Variants in IFT140 observed in about 807,000 individuals in gnomAD.
IFT140 encodes intraflagellar transport protein 140 homolog.
Under a neutral mutation model 164.6 loss-of-function variants are expected in IFT140, and 133 were observed. The ratio of observed to expected loss-of-function variants is 0.81; its 90% CI spans 0.70 to 0.93. The LOEUF is 0.93. IFT140 is among the 40% of genes least tolerant of loss of function. IFT140 has a pLI of 0.00. For missense variants in IFT140, 2,045 were observed against 1,972.3 expected (o/e 1.04, Z -0.70); for synonymous variants, 860 against 817.3 (o/e 1.05, Z -0.89).
rs760278869 is a variant in IFT140, at chr16:1,523,580, C to T, written c.3391G>A (p.Asp1131Asn). ...TACTGACTGTGCTCGATGAAGAAGT[C>T]GGAGCAGCGGGCCAGGAGCGCAGGG... is the stretch of plus-strand genomic sequence containing the variant. Reference protein sequence around the residue: ...SDPALLARCSDFFIEHSQYER... With the variant: ...SDPALLARCSNFFIEHSQYER... Residue 1131 changes from aspartate to asparagine, a missense_variant, in exon 26 of 31, where the codon GAC becomes AAC. Transcript: ENST00000426508. The T allele has an allele frequency of 1.6e-5, 26 of 1,613,628 alleles. No homozygotes were observed. The highest frequency in any genetic ancestry group is 1.3e-4 in the South Asian group (12 of 91,088).
intron 19 of IFT140, among the ~76,000 whole-genome samples, chr16:1,544,226 C>T (rs575851865): frequency 1.3e-5 from 2 of 151,738 alleles, no homozygotes; most frequent in African/African-American, 4.8e-5. Flanking sequence ...CTCTGTCACC[C>T]AGGCTGGAGT....
chr16:1,543,960 T>C (rs371893336), intron 19 of IFT140, among the ~76,000 whole-genome samples: 3 of 152,230 alleles, frequency 2.0e-5, no homozygotes, highest in South Asian at 4.1e-4. Context: ...GCAAAAGCAA[T>C]AGTTTTTGAT....
intron 30 of IFT140, chr16:1,513,331 A>AG (rs1350376813): frequency 6.6e-6 from 1 of 152,002 alleles, no homozygotes; most frequent in Non-Finnish European, 1.5e-5. Flanking sequence ...CTACTAAAAA[A>AG]TAAATAAATA....
In IFT140 at chr16:1,553,035, C is replaced by T. The variant is rs1465880585; in HGVS notation, c.2399+4900G>A. On this transcript the variant is annotated intron_variant, in intron 19 of 30. Coordinates refer to ENST00000426508, the MANE Select transcript of IFT140 (RefSeq NM_014714.4). This position sits in a 1 kb window ranked among gnomAD's most constrained non-coding sequence, Gnocchi z 4.4. ...TCCATGAAGTATTATAAAGAATGAA[C>T]ACAGAAACCAGTCACTGTCATTGTT... 1.0e-6 allele frequency: 1 copy of T among 985,270 alleles called. No individual in the cohort carries two copies. 61.0% of individuals were successfully genotyped at this position (985,270 alleles called of 1,614,324 possible).
intron 19 of IFT140, among the ~76,000 whole-genome samples, chr16:1,557,063 A>G (rs1214579124): frequency 6.6e-6 from 1 of 151,984 alleles, no homozygotes; most frequent in East Asian, 1.9e-4. Context: ...CAGGTGATCC[A>G]CCCACCTCAG....
intron 17 of IFT140, 90 bp downstream of exon 17, chr16:1,563,907 G>A (rs1173853692): frequency 3.7e-6 from 5 of 1,335,044 alleles, no homozygotes; most frequent in Non-Finnish European, 4.0e-6. Context: ...GATCACAGGC[G>A]TGAGCCACCG....
intron 19 of IFT140, among the ~76,000 whole-genome samples, chr16:1,529,547 C>T (rs750380669): frequency 3.3e-5 from 5 of 152,216 alleles, no homozygotes; most frequent in Admixed American, 1.3e-4. Context: ...CTTTTGGGTT[C>T]GGAACTCTTG....
chr16:1,567,189 T>C (rs1334416786), intron 15 of IFT140, among the ~76,000 whole-genome samples: 1 of 152,114 alleles, frequency 6.6e-6, no homozygotes, highest in African/African-American at 2.4e-5. Flanking sequence ...GCTCGAGCCC[T>C]CCAGTGGCTG....
chr16:1,515,122 T>C (rs1007992205), intron 30 of IFT140, among the ~76,000 whole-genome samples: 3 of 152,124 alleles, frequency 2.0e-5, no homozygotes, highest in East Asian at 1.9e-4. Flanking sequence ...TAACATTTAA[T>C]TGGAGTCCCA....
At chr16:1,524,116 G>T in intron 24 of IFT140, 160 bp from the exon 25 acceptor site, 1 of 934,536 alleles carries the variant, frequency 1.1e-6, no homozygotes, top group Non-Finnish European at 1.6e-6. Flanking sequence ...GACTTACTGG[G>T]TTTGTCTACA....
In IFT140 at chr16:1,592,327, A is replaced by G; in HGVS notation, c.492-9T>C. The G allele has an allele frequency of 1.9e-6, 3 of 1,614,166 alleles. No individual in the cohort carries two copies. The highest frequency in any genetic ancestry group is 2.5e-6 in the Non-Finnish European group (3 of 1,180,006). On this transcript the variant is annotated splice_polypyrimidine_tract_variant and intron_variant, in intron 5 of 30. Coordinates refer to ENST00000426508, the MANE Select transcript of IFT140 (RefSeq NM_014714.4). ...CCAACTGAACCAGGTCCCTGAAAGCAAACACGACACGAAGCAAGATTCTTC... is the reference window on the plus strand; with the variant it reads ...CCAACTGAACCAGGTCCCTGAAAGCGAACACGACACGAAGCAAGATTCTTC...
intron 4 of IFT140, 30 bp from the exon 5 acceptor site, chr16:1,592,618 C>T (rs1481898672): frequency 1.2e-6 from 2 of 1,607,764 alleles, no homozygotes; most frequent in African/African-American, 1.3e-5. Context: ...CGTGTTAGGA[C>T]AGGTGTCCCG....
At chr16:1,543,221 C>T (rs563966780) in intron 19 of IFT140, among the ~76,000 whole-genome samples, 5 of 152,374 alleles carry the variant, frequency 3.3e-5, no homozygotes, top group Non-Finnish European at 7.3e-5. Flanking sequence ...GCCGGTGCAG[C>T]GTTCTGCAGG....
intron 15 of IFT140, 48 bp from the exon 16 acceptor site, chr16:1,566,339 C>G (rs754676619): frequency 6.2e-7 from 1 of 1,603,222 alleles, no homozygotes; most frequent in Non-Finnish European, 8.5e-7. Context: ...CCCAGACCAG[C>G]GGGTTGGTGG....
chr16:1,517,478 T>A (rs916951718), intron 30 of IFT140, among the ~76,000 whole-genome samples: 1 of 152,042 alleles, frequency 6.6e-6, no homozygotes, highest in African/African-American at 2.4e-5. Context: ...TCACTACTCA[T>A]CCAGAAAATG....
chr16:1,595,889 C>A (rs1401488634), intron 4 of IFT140, among the ~76,000 whole-genome samples: 1 of 152,096 alleles, frequency 6.6e-6, no homozygotes, highest in Admixed American at 6.5e-5. Flanking sequence ...CCTGTCTCTA[C>A]TAAAAATATA....
rs1295439990 is a variant in IFT140 at position 1,580,863 on chromosome 16, A to C, written c.1433-13T>G. 2 of 1,592,190 alleles carry C rather than the reference A, an allele frequency of 1.3e-6. No individual in the cohort carries two copies. The highest frequency in any genetic ancestry group is 8.6e-7 in the Non-Finnish European group (1 of 1,160,436). ...CACAAGAAGGTCCCTAAAATGAAAG[A>C]CGAACATCAGGATGGCGGCCGCTCA... is the stretch of plus-strand genomic sequence containing the variant. On this transcript the variant is annotated splice_polypyrimidine_tract_variant and intron_variant, in intron 12 of 30. Coordinates refer to ENST00000426508, the MANE Select transcript of IFT140 (RefSeq NM_014714.4).
intron 19 of IFT140, among the ~76,000 whole-genome samples, chr16:1,540,489 C>G (rs1485467767): frequency 2.0e-5 from 3 of 152,224 alleles, no homozygotes; most frequent in African/African-American, 7.2e-5. Flanking sequence ...GAGGAGGCAG[C>G]TTGAGGATCT....
intron 7 of IFT140, 57 bp downstream of exon 7, chr16:1,589,548 C>G: frequency 2.5e-6 from 4 of 1,571,060 alleles, no homozygotes; most frequent in Non-Finnish European, 3.5e-6. Flanking sequence ...TCAACGAGGC[C>G]AGAGAGAACC....
Sources: allele counts gnomAD v4.1 joint callset (sites outside exome capture counted in the v4.1 genomes callset), GRCh38; gene constraint gnomAD v4.1.1; non-coding constraint Gnocchi (gnomAD v3.1); transcripts MANE v1.5; gene names NCBI Gene and HGNC (gene_info 2026-07-23, HGNC 2026-07-21).